VPS11: variants seen among roughly 807,000 people sequenced by gnomAD.
VPS11 encodes the protein vacuolar protein sorting-associated protein 11 homolog.
Under a neutral mutation model 106.8 loss-of-function variants are expected in VPS11, and 51 were observed. That is an observed-to-expected ratio of 0.48 (90% confidence interval 0.38 to 0.60). VPS11 has a LOEUF of 0.60. Ranked by LOEUF, VPS11 falls within the 20% of genes least tolerant of loss-of-function variation. The pLI is 0.00. For synonymous variants in VPS11, 453 were observed against 458.7 expected, an observed-to-expected ratio of 0.99 and a Z score of 0.16; for missense variants, 950 against 1,190.0, an observed-to-expected ratio of 0.80 and a Z score of 2.97.
In VPS11 at chr11:119,073,416, C is replaced by T. The variant is rs782283338; in HGVS notation, c.1086+17C>T. ...AAACTGGAGGCAAGGCCACCAGGCT[C>T]GCAGAGCTGGCCACAGGCACCTAGA... is the stretch of plus-strand genomic sequence containing the variant. On this transcript the variant is annotated intron_variant, in intron 6 of 15. Transcript: ENST00000621676. The T allele has an allele frequency of 6.2e-6, 10 of 1,610,346 alleles. No individual in the cohort carries two copies. The highest frequency in any genetic ancestry group is 3.3e-5 in the Admixed American group (2 of 59,762).
chr11:119,070,486 G>T, intron 4 of VPS11, 89 bp downstream of exon 4: 1 of 1,326,962 alleles, frequency 7.5e-7, no homozygotes, highest in East Asian at 2.5e-5. Context: ...CAGGAAAGGT[G>T]GGAGTGTTAA....
At position 119,073,386 on chromosome 11, in the gene VPS11, A is replaced by G; in HGVS notation, c.1073A>G (p.Gln358Arg). The G allele has an allele frequency of 3.1e-6, 5 of 1,612,934 alleles. No homozygotes were observed. The highest frequency in any genetic ancestry group is 4.2e-6 in the Non-Finnish European group (5 of 1,179,808). The change falls in exon 6 of 16, where the codon CAG becomes CGG. Residue 358 changes from glutamine to arginine, a missense_variant. Around this residue, in one of 3 missense-constraint regions of VPS11, gnomAD observed 435 missense variants for 630.2 expected, o/e 0.69. Transcript: ENST00000621676. The stretch of plus-strand genomic sequence containing the variant: ...CACGCACTGCAGGAGAAGGACACAC[A>G]GACCAAACTGGAGGCAAGGCCACCA... The part of the protein sequence containing the change: ...RVHALQEKDT[Q>R]TKLEMLFKKN...
intron 4 of VPS11, 83 bp from the exon 5 acceptor site, chr11:119,071,513 A>G (rs1428339273): frequency 1.1e-5 from 17 of 1,528,806 alleles, no homozygotes; most frequent in Non-Finnish European, 1.1e-5. Flanking sequence ...AAAAAGAGCC[A>G]GTATGGAGAT....
At chr11:119,070,213 A>G in intron 3 of VPS11, 21 bp from the exon 4 acceptor site, 1 of 1,595,392 alleles carries the variant, frequency 6.3e-7, no homozygotes. Context: ...TTACTGAAGT[A>G]ATTTTCTTGT....
intron 1 of VPS11, among the ~76,000 whole-genome samples, chr11:119,068,898 C>A (rs550039777): frequency 2.0e-5 from 3 of 149,604 alleles, no homozygotes; most frequent in African/African-American, 7.4e-5. Flanking sequence ...ATTACAGGCA[C>A]GCACCATTAT....
intron 7 of VPS11, among the ~76,000 whole-genome samples, chr11:119,075,542 T>TAAAAA (rs1555202802): frequency 9.0e-6 from 1 of 111,614 alleles, no homozygotes; most frequent in African/African-American, 3.7e-5. Flanking sequence ...CTGTCTCCAC[T>TAAAAA]AAAAAAAAAA....
At chr11:119,070,666 C>A (rs572098550) in intron 4 of VPS11, 2 of 211,162 alleles carry the variant, frequency 9.5e-6, no homozygotes, top group South Asian at 2.0e-4. Context: ...AGTGCAGTGG[C>A]GAGATCTTGA....
intron 4 of VPS11, 147 bp from the exon 5 acceptor site, chr11:119,071,449 G>T: frequency 1.1e-6 from 1 of 934,826 alleles, no homozygotes. Flanking sequence ...GATGGGTAAT[G>T]GTTAATGAAG....
Position 119,079,255 on chromosome 11 carries a change from A to G in VPS11, c.2393A>G (p.Glu798Gly), listed in dbSNP as rs1295655939. ...QDELRVRRYR[E>G]ETTRIRQEIQ... ...GAGCTGCGGGTGCGGCGGTACCGAG[A>G]GGAGACCACCCGTATCCGCCAGGAG... The change falls in exon 14 of 16, where the codon GAG (glutamate) becomes GGG (glycine). Residue 798 changes from glutamate (E) to glycine (G), a missense_variant. Physicochemically the swap from Glu to Gly is moderately conservative, Grantham distance 98. This residue lies in a region of VPS11 where 453 missense variants were observed against 514.6 expected (regional missense o/e 0.88). Coordinates refer to ENST00000621676, the MANE Select transcript of VPS11 (RefSeq NM_021729.6). 7 of 1,606,408 alleles carry G rather than the reference A, an allele frequency of 4.4e-6. No individual in the cohort carries two copies. The highest frequency in any genetic ancestry group is 5.9e-6 in the Non-Finnish European group (7 of 1,176,534).
In VPS11 at chr11:119,079,265, C is replaced by T; in HGVS notation, c.2403C>T (p.Thr801=). The change falls in exon 14 of 16, where the codon ACC becomes ACT. Residue 801 remains threonine (T), a synonymous_variant. Transcript: ENST00000621676. ...LRVRRYREET[T]RIRQEIQELK... is the part of the protein sequence containing the mutation. ...TGCGGCGGTACCGAGAGGAGACCACCCGTATCCGCCAGGAGATCCAAGAGC... is the reference window on the plus strand; with the variant it reads ...TGCGGCGGTACCGAGAGGAGACCACTCGTATCCGCCAGGAGATCCAAGAGC... 1 of 1,602,388 alleles carries T rather than the reference C, an allele frequency of 6.2e-7. No individual in the cohort carries two copies. Among genetic ancestry groups the T allele is most frequent in the Non-Finnish European group, 8.5e-7 (1 of 1,174,530 alleles).
intron 5 of VPS11, 43 bp downstream of exon 5, chr11:119,071,886 T>G (rs782188469): frequency 2.5e-6 from 4 of 1,587,042 alleles, no homozygotes; most frequent in South Asian, 2.3e-5. Context: ...GCTGGACTTG[T>G]TCCCCAGAAT....
Position 119,081,905 on chromosome 11 carries a change from A to G in VPS11, c.*282A>G, listed in dbSNP as rs1266796376. On this transcript the variant is annotated 3_prime_UTR_variant, in exon 16 of 16. Coordinates refer to ENST00000621676, the MANE Select transcript of VPS11 (RefSeq NM_021729.6). Reference sequence around the variant, plus strand: ...CAATAGCTGCTTTCTTCTCTATCCAAGAGCACCAGGCTGTGCTTGGGTCCT... The same window carrying G: ...CAATAGCTGCTTTCTTCTCTATCCAGGAGCACCAGGCTGTGCTTGGGTCCT... The G allele has an allele frequency of 2.1e-5, 9 of 428,666 alleles. No individual in the cohort carries two copies. Among genetic ancestry groups the G allele is most frequent in the Non-Finnish European group, 3.8e-5 (9 of 239,600 alleles). The allele number at this position is 428,666 out of a possible 1,614,324, so 26.6% of individuals were successfully genotyped here.
intron 14 of VPS11, 31 bp downstream of exon 14, chr11:119,079,331 CA>C (rs782818036): frequency 1.3e-6 from 2 of 1,550,536 alleles, no homozygotes; most frequent in South Asian, 2.4e-5. Flanking sequence ...TGGAGGAGTC[CA>C]GGGGATAACT....
chr11:119,069,844 CA>C (rs1373958473), intron 3 of VPS11, among the ~76,000 whole-genome samples: 3 of 151,816 alleles, frequency 2.0e-5, no homozygotes, highest in Non-Finnish European at 4.4e-5. Context: ...ACTAAAAATA[CA>C]AAATTAGTTG....
chr11:119,073,907 C>T lies in VPS11; in HGVS notation c.1194C>T (p.Leu398=), dbSNP rs1323170918. ...AQIFMQYGDH[L]YSKGNHDGAV... ...TTTTCATGCAGTATGGAGACCATCT[C>T]TACAGCAAGGGCAACCACGATGGGG... Residue 398 remains leucine, a synonymous_variant, in exon 7 of 16, where the codon CTC becomes CTT. Transcript: ENST00000621676. The T allele has an allele frequency of 1.2e-6, 2 of 1,613,700 alleles. No individual in the cohort carries two copies. Among genetic ancestry groups the T allele is most frequent in the South Asian group, 2.2e-5 (2 of 91,068 alleles).
intron 14 of VPS11, among the ~76,000 whole-genome samples, chr11:119,079,861 C>A (rs144346490): frequency 6.6e-6 from 1 of 152,048 alleles, no homozygotes; most frequent in Non-Finnish European, 1.5e-5. Flanking sequence ...CCACGGTGCC[C>A]GGCCATAATC....
rs1592183342 is a variant in VPS11 at position 119,071,902 on chromosome 11, T to C, written c.884+59T>C. ...CTGGACTTGTTCCCCAGAATCCGCC[T>C]GATTTTAAAATCCTAATGCCTGGAT... On this transcript the variant is annotated intron_variant, in intron 5 of 15. Coordinates refer to ENST00000621676, the MANE Select transcript of VPS11 (RefSeq NM_021729.6). The C allele has an allele frequency of 6.4e-6, 10 of 1,571,802 alleles. No homozygotes were observed. The East Asian group carries it at 1.8e-4, about 28-fold the overall frequency.
rs539741729 is a variant in VPS11, at chr11:119,081,549, A to G, written c.2752A>G (p.Thr918Ala). ...NKLTLLTDPP[T>A]ARLTSSLEAG... is the part of the protein sequence containing the mutation. ...ATTGACTCTGCTGACCGACCCTCCCACAGCCAGACTGACCTCCAGCCTGGA... is the reference window on the plus strand; with the variant it reads ...ATTGACTCTGCTGACCGACCCTCCCGCAGCCAGACTGACCTCCAGCCTGGA... The change falls in exon 16 of 16, where the codon ACA becomes GCA. Residue 918 changes from threonine to alanine, a missense_variant. Thr to Ala is a moderately conservative substitution (Grantham distance 58). Coordinates refer to ENST00000621676, the MANE Select transcript of VPS11 (RefSeq NM_021729.6). The G allele has an allele frequency of 6.2e-7, 1 of 1,613,960 alleles. No individual in the cohort carries two copies. The highest frequency in any genetic ancestry group is 1.7e-5 in the Admixed American group (1 of 60,016).
At chr11:119,079,055 G>A (rs2134799158) in intron 13 of VPS11, 58 bp downstream of exon 13, 1 of 1,612,264 alleles carries the variant, frequency 6.2e-7, no homozygotes, top group Non-Finnish European at 8.5e-7. Context: ...CTCTGTGGCA[G>A]GGGCCCTTCA....
Sources: gnomAD v4.1 joint callset for allele counts (sites outside exome capture counted in the v4.1 genomes callset) on GRCh38, gnomAD v4.1.1 for gene constraint, gnomAD v4.1.1 regional missense constraint, MANE v1.5 for transcripts, NCBI Gene and HGNC (gene_info 2026-07-23, HGNC 2026-07-21) for gene names.